CCDC171: variants seen among roughly 807,000 people sequenced by gnomAD.
The protein encoded by CCDC171 is coiled-coil domain containing 171.
Under a neutral mutation model 168.2 loss-of-function variants are expected in CCDC171, and 177 were observed. The ratio of observed to expected loss-of-function variants is 1.05; its 90% CI spans 0.93 to 1.19. The LOEUF (loss-of-function observed/expected upper bound fraction) is 1.19. CCDC171 is among the 50% of genes most tolerant of loss of function. The probability of loss-of-function intolerance (pLI) is 0.00; values close to 1 mark genes in which losing one functional copy is unlikely to be tolerated. For missense variants in CCDC171, 1,991 were observed against 1,539.0 expected (o/e 1.29, Z -4.91); for synonymous variants, 687 against 540.8 (o/e 1.27, Z -3.75).
intron 3 of CCDC171, among the ~76,000 whole-genome samples, chr9:15,987,929 C>G (rs1832047688): frequency 6.6e-6 from 1 of 152,184 alleles, no homozygotes. Flanking sequence ...TTTGTGTACA[C>G]TGAACCATTG....
At chr9:16,021,173 C>T (rs149248062) in intron 4 of CCDC171, among the ~76,000 whole-genome samples, 2 of 152,302 alleles carry the variant, frequency 1.3e-5, no homozygotes, top group East Asian at 1.9e-4. Flanking sequence ...CTGCAACCTC[C>T]GCCTCCGGGG....
At chr9:16,059,068 G>A (rs1255027280) in intron 1 of CCDC171, among the ~76,000 whole-genome samples, 3 of 152,096 alleles carry the variant, frequency 2.0e-5, no homozygotes, top group Admixed American at 6.5e-5. Context: ...CAGTGACCTC[G>A]CTGCTGGCTC....
intron 4 of CCDC171, 35 bp downstream of exon 4, chr9:15,579,058 T>C: frequency 6.4e-7 from 1 of 1,559,954 alleles, no homozygotes; most frequent in South Asian, 1.1e-5. Flanking sequence ...AAGTTTAGGG[T>C]TGTAACCTGA....
intron 21 of CCDC171, among the ~76,000 whole-genome samples, chr9:15,841,303 G>A (rs2130629701): frequency 6.6e-6 from 1 of 152,082 alleles, no homozygotes; most frequent in Admixed American, 6.6e-5. Flanking sequence ...AATAATATAG[G>A]CACTCATAAG....
In CCDC171 at chr9:15,721,880, C is replaced by G. The variant is rs768523667; in HGVS notation, c.1425+5C>G. 2 of 1,476,488 alleles carry G rather than the reference C, an allele frequency of 1.4e-6. No homozygotes were observed. Among genetic ancestry groups the G allele is most frequent in the African/African-American group, 2.9e-5 (2 of 70,154 alleles). 91.5% of individuals were successfully genotyped at this position (1,476,488 alleles called of 1,614,324 possible). A position where few individuals can be genotyped will look rare whatever the true frequency, so the allele number is the denominator to read the frequency against. ...CTGGAAGATGCATCTAATGAGGTAA[C>G]ACTTGCACTGTTTGGCTCCACACAT... On this transcript the variant is annotated splice_donor_5th_base_variant and intron_variant, in intron 12 of 25. Coordinates refer to ENST00000380701, the MANE Select transcript of CCDC171 (RefSeq NM_173550.4).
chr9:16,024,298 ACCTTAATCCTAT>A (rs1379971514), intron 6 of CCDC171, among the ~76,000 whole-genome samples: 1 of 152,190 alleles, frequency 6.6e-6, no homozygotes, highest in Non-Finnish European at 1.5e-5. Context: ...CTAATACAAT[ACCTTAATCCTAT>A]CCTACCTCAA....
intron 25 of CCDC171, among the ~76,000 whole-genome samples, chr9:15,927,879 A>G (rs1211232474): frequency 1.3e-5 from 2 of 151,728 alleles, no homozygotes; most frequent in African/African-American, 2.4e-5. Flanking sequence ...TTCTCCAGGT[A>G]AGTTGCTTCC....
intron 1 of CCDC171, among the ~76,000 whole-genome samples, chr9:16,047,882 G>A (rs1005366036): frequency 4.6e-5 from 7 of 152,226 alleles, no homozygotes; most frequent in Admixed American, 3.9e-4. Context: ...TGTGATGGGT[G>A]TGAGGTAAGG....
intron 8 of CCDC171, among the ~76,000 whole-genome samples, chr9:15,662,200 C>T (rs1407736509): frequency 6.6e-6 from 1 of 152,150 alleles, no homozygotes; most frequent in Non-Finnish European, 1.5e-5. Context: ...TTGCTTGAGC[C>T]TGGGAGGTGG....
chr9:15,686,170 C>A (rs1210297676), intron 10 of CCDC171, among the ~76,000 whole-genome samples: 3 of 152,072 alleles, frequency 2.0e-5, no homozygotes, highest in Admixed American at 2.0e-4. Flanking sequence ...GTTTATCTGG[C>A]TTTCTATAGA....
intron 18 of CCDC171, among the ~76,000 whole-genome samples, chr9:15,751,679 A>T (rs1269767298): frequency 6.6e-6 from 1 of 152,234 alleles, no homozygotes; most frequent in African/African-American, 2.4e-5. Context: ...CTATTTAATA[A>T]GTGTGCTGGG....
chr9:15,587,760 C>T (rs763729688), intron 4 of CCDC171: 9 of 386,714 alleles, frequency 2.3e-5, no homozygotes, highest in Non-Finnish European at 4.8e-5. Flanking sequence ...AGTAGACAAC[C>T]AAGAGTTACC....
At chr9:15,624,748 T>A (rs998632043) in intron 7 of CCDC171, among the ~76,000 whole-genome samples, 1 of 152,198 alleles carries the variant, frequency 6.6e-6, no homozygotes, top group African/African-American at 2.4e-5. Flanking sequence ...GTCTTTGCTA[T>A]TGTGAATAGT....
chr9:15,877,859 TG>T (rs1398429425), intron 24 of CCDC171, among the ~76,000 whole-genome samples: 1 of 152,184 alleles, frequency 6.6e-6, no homozygotes, highest in African/African-American at 2.4e-5. Context: ...TGGTAATAAC[TG>T]GCAAATATTA....
At chr9:15,997,616 A>G (rs1832413939) in intron 3 of CCDC171, among the ~76,000 whole-genome samples, 1 of 152,034 alleles carries the variant, frequency 6.6e-6, no homozygotes, top group South Asian at 2.1e-4. Context: ...CTGTTGCTGT[A>G]TTTGATCTAA....
intron 21 of CCDC171, among the ~76,000 whole-genome samples, chr9:15,834,069 G>T (rs936960095): frequency 6.6e-6 from 1 of 151,978 alleles, no homozygotes. Flanking sequence ...GTTTCAGTGG[G>T]CCCAATTTTA....
rs975630494 is a variant in CCDC171 at position 15,846,612 on chromosome 9, T to C, written c.3268-90T>C. The stretch of plus-strand genomic sequence containing the variant: ...TGACCCAAGTCTACTTCTCAGTCAG[T>C]CTGTATTCTTCTTTGTTTAATAGCC... On this transcript the variant is annotated intron_variant, in intron 21 of 25. Coordinates refer to ENST00000380701, the MANE Select transcript of CCDC171 (RefSeq NM_173550.4). 8 of 1,338,456 alleles carry C rather than the reference T, an allele frequency of 6.0e-6. No homozygotes were observed. The African/African-American group carries it at 1.0e-4, about 17-fold the overall frequency. 82.9% of individuals were successfully genotyped at this position (1,338,456 alleles called of 1,614,324 possible). A position where few individuals can be genotyped will look rare whatever the true frequency, so the allele number is the denominator to read the frequency against.
intron 23 of CCDC171, among the ~76,000 whole-genome samples, chr9:15,871,674 G>A (rs943519633): frequency 2.6e-5 from 4 of 151,676 alleles, no homozygotes; most frequent in South Asian, 2.1e-4. Flanking sequence ...TTTCATGAAC[G>A]AACTTAATGC....
intron 18 of CCDC171, among the ~76,000 whole-genome samples, chr9:15,755,010 A>G (rs369701779): frequency 6.6e-6 from 1 of 152,172 alleles, no homozygotes; most frequent in African/African-American, 2.4e-5. Flanking sequence ...ATAAATTAGT[A>G]TATAAAGATC....
Sources: allele counts gnomAD v4.1 joint callset (sites outside exome capture counted in the v4.1 genomes callset), GRCh38; gene constraint gnomAD v4.1.1; transcripts MANE v1.5; gene names NCBI Gene and HGNC (gene_info 2026-07-23, HGNC 2026-07-21).